SLC9B1: variants seen among roughly 807,000 people sequenced by gnomAD.
The protein encoded by SLC9B1 is solute carrier family 9 member B1.
In SLC9B1, 32 loss-of-function variants were observed where a neutral mutation model predicts 51.7. The observed-to-expected ratio is 0.62, with a 90% CI of 0.47 to 0.83. The LOEUF is 0.83. Ranked by LOEUF, SLC9B1 falls within the 40% of genes least tolerant of loss-of-function variation. The pLI is 0.00. For missense variants in SLC9B1, 406 were observed against 613.2 expected, an observed-to-expected ratio of 0.66 and a Z score of 3.57; for synonymous variants, 145 against 212.7, an observed-to-expected ratio of 0.68 and a Z score of 2.77.
intron 1 of SLC9B1, among the ~76,000 whole-genome samples, chr4:103,006,437 G>T (rs866421919): frequency 2.2e-4 from 33 of 152,124 alleles, no homozygotes; most frequent in African/African-American, 7.0e-4. Context: ...TCCCAAGATT[G>T]AACCAGGAAG....
chr4:102,966,441 C>A (rs1025888879), intron 3 of SLC9B1, among the ~76,000 whole-genome samples: 6 of 152,204 alleles, frequency 3.9e-5, no homozygotes, highest in African/African-American at 1.4e-4. Flanking sequence ...CTGTCATGAG[C>A]TGTACCTGAG....
chr4:102,979,624 C>T (rs1466112927), intron 3 of SLC9B1, among the ~76,000 whole-genome samples: 1 of 152,176 alleles, frequency 6.6e-6, no homozygotes, highest in Non-Finnish European at 1.5e-5. Flanking sequence ...CACTGGCCCT[C>T]CACTAATGGA....
At chr4:102,885,538 A>G (rs1453265126) in intron 11 of SLC9B1, 3 of 858,438 alleles carry the variant, frequency 3.5e-6, no homozygotes, top group African/African-American at 1.7e-5. Flanking sequence ...TTTCTGTAAT[A>G]TTTGGTATTG....
chr4:102,890,141 G>C (rs1408466556), intron 11 of SLC9B1: 2 of 152,178 alleles, frequency 1.3e-5, no homozygotes, highest in Non-Finnish European at 2.9e-5. Flanking sequence ...AATTAAGCAA[G>C]TTGAATTATG....
At chr4:102,934,785 G>C (rs990077489) in intron 6 of SLC9B1, among the ~76,000 whole-genome samples, 43 of 148,262 alleles carry the variant, frequency 2.9e-4, no homozygotes, top group African/African-American at 1.0e-3. Flanking sequence ...AAAAGAAAAT[G>C]TAGAATAATA....
chr4:102,975,586 A>ATATTTTTT (rs1217142990), intron 3 of SLC9B1, among the ~76,000 whole-genome samples: 7 of 62,310 alleles, frequency 1.1e-4, no homozygotes, highest in African/African-American at 4.5e-4. Context: ...ATATATATAT[A>ATATTTTTT]TTTTTTTTTT....
intron 3 of SLC9B1, among the ~76,000 whole-genome samples, chr4:102,983,691 A>G (rs984743162): frequency 2.0e-5 from 3 of 152,080 alleles, no homozygotes; most frequent in Non-Finnish European, 4.4e-5. Flanking sequence ...GTATTACTTT[A>G]TTATCCTTTT....
intron 4 of SLC9B1, among the ~76,000 whole-genome samples, chr4:102,947,673 T>C (rs1737335675): frequency 6.6e-6 from 1 of 152,246 alleles, no homozygotes; most frequent in Admixed American, 6.5e-5. Context: ...AATATTTAGA[T>C]ATATTTGAAT....
At chr4:102,988,178 T>G (rs1046503053) in intron 3 of SLC9B1, among the ~76,000 whole-genome samples, 4 of 152,266 alleles carry the variant, frequency 2.6e-5, no homozygotes, top group Admixed American at 2.6e-4. Flanking sequence ...CATAAAAATA[T>G]ATTAGCATTT....
chr4:103,012,890 C>T (rs926275543), intron 1 of SLC9B1, among the ~76,000 whole-genome samples: 2 of 152,122 alleles, frequency 1.3e-5, no homozygotes, highest in Non-Finnish European at 2.9e-5. Context: ...CTTGTAAGGA[C>T]TTTTATAATA....
At chr4:102,947,375 G>A (rs542429304) in intron 4 of SLC9B1, among the ~76,000 whole-genome samples, 1 of 152,280 alleles carries the variant, frequency 6.6e-6, no homozygotes, top group Non-Finnish European at 1.5e-5. Context: ...ACAGTGTACT[G>A]AATATATATT....
At chr4:102,947,271 G>A (rs932741349) in intron 4 of SLC9B1, among the ~76,000 whole-genome samples, 3 of 152,160 alleles carry the variant, frequency 2.0e-5, no homozygotes, top group Admixed American at 1.3e-4. Flanking sequence ...TTGGAGAGGA[G>A]GAAAATGATT....
At chr4:102,939,700 T>C (rs1471559418) in intron 6 of SLC9B1, among the ~76,000 whole-genome samples, 1 of 152,232 alleles carries the variant, frequency 6.6e-6, no homozygotes, top group Non-Finnish European at 1.5e-5. Flanking sequence ...AAAAAGCTAG[T>C]CCACTATGAT....
chr4:102,981,228 TTTA>T (rs755285175), intron 3 of SLC9B1, among the ~76,000 whole-genome samples: 3 of 152,122 alleles, frequency 2.0e-5, no homozygotes, highest in Non-Finnish European at 4.4e-5. Context: ...TGTACCACAG[TTTA>T]TTTATTCACT....
intron 3 of SLC9B1, among the ~76,000 whole-genome samples, chr4:102,984,746 G>A (rs1739527988): frequency 1.3e-5 from 2 of 152,118 alleles, no homozygotes; most frequent in Admixed American, 1.3e-4. Flanking sequence ...TGTCTTTATT[G>A]AATTTTTGCC....
At chr4:102,936,445 A>G (rs1463723242) in intron 6 of SLC9B1, among the ~76,000 whole-genome samples, 2 of 152,238 alleles carry the variant, frequency 1.3e-5, no homozygotes, top group Non-Finnish European at 2.9e-5. Flanking sequence ...GAATCTGGAT[A>G]GAAACAAAGA....
chr4:102,974,052 A>G (rs1055497097), intron 3 of SLC9B1, among the ~76,000 whole-genome samples: 6 of 151,910 alleles, frequency 3.9e-5, no homozygotes, highest in Non-Finnish European at 8.8e-5. Context: ...CTTGGCCAAC[A>G]TGGTGAAACC....
intron 1 of SLC9B1, among the ~76,000 whole-genome samples, chr4:103,014,512 C>T (rs977265460): frequency 3.3e-5 from 5 of 152,108 alleles, no homozygotes; most frequent in Admixed American, 6.6e-5. Flanking sequence ...TGTAGAAGCA[C>T]GTTTAGGATG....
At chr4:102,885,357 T>C (rs1733854213) in intron 11 of SLC9B1, 1 of 1,613,890 alleles carries the variant, frequency 6.2e-7, no homozygotes, top group Non-Finnish European at 8.5e-7. Context: ...AATCCGAAAG[T>C]AGTGAATGAA....
Sources: allele counts gnomAD v4.1 joint callset (sites outside exome capture counted in the v4.1 genomes callset), GRCh38; gene constraint gnomAD v4.1.1; transcripts MANE v1.5; gene names NCBI Gene and HGNC (gene_info 2026-07-23, HGNC 2026-07-21).